Variants in VAV3 observed in about 807,000 individuals in gnomAD.
VAV3 encodes the protein guanine nucleotide exchange factor VAV3.
A neutral mutation model predicts 131.2 loss-of-function variants in VAV3; 94 were observed. The observed-to-expected ratio is 0.72, with a 90% CI of 0.61 to 0.85. The LOEUF is 0.85. Ranked by LOEUF, VAV3 falls within the 40% of genes least tolerant of loss-of-function variation. The pLI is 0.00. For synonymous variants in VAV3, 349 were observed against 342.0 expected, an observed-to-expected ratio of 1.02 and a Z score of -0.22; for missense variants, 939 against 1,002.7, an observed-to-expected ratio of 0.94 and a Z score of 0.86.
chr1:107,856,388 C>CAA, intron 2 of VAV3, among the ~76,000 whole-genome samples: 1 of 152,192 alleles, frequency 6.6e-6, no homozygotes, highest in South Asian at 2.1e-4. Context: ...TTTTACATAG[C>CAA]AATTTTCTGA....
Position 107,704,946 on chromosome 1 carries a change from C to A in VAV3, c.1604+14G>T. On this transcript the variant is annotated intron_variant, in intron 16 of 26. Transcript: ENST00000370056. ...AGTTCCTTTAAACTGAAAACCAGGACTGAGCAGGCTTACCTCAGGAGCATC... is the reference window on the plus strand; with the variant it reads ...AGTTCCTTTAAACTGAAAACCAGGAATGAGCAGGCTTACCTCAGGAGCATC... 2 of 1,609,426 alleles carry A rather than the reference C, an allele frequency of 1.2e-6. No individual in the cohort carries two copies. Among genetic ancestry groups the A allele is most frequent in the Non-Finnish European group, 1.7e-6 (2 of 1,176,126 alleles).
chr1:107,583,054 C>G (rs1570556998), intron 25 of VAV3, among the ~76,000 whole-genome samples: 1 of 152,202 alleles, frequency 6.6e-6, no homozygotes, highest in East Asian at 1.9e-4. Flanking sequence ...TCCTATTTCT[C>G]CACATCCTCT....
At chr1:107,798,950 T>A (rs2102295840) in intron 2 of VAV3, among the ~76,000 whole-genome samples, 1 of 152,214 alleles carries the variant, frequency 6.6e-6, no homozygotes, top group South Asian at 2.1e-4. Context: ...ATTTTCAAAT[T>A]TTTTTCTTTA....
rs1309760439 is a variant in VAV3, at chr1:107,603,021, T to C, written c.2132+26A>G. 3 of 1,564,212 alleles carry C rather than the reference T, an allele frequency of 1.9e-6. No individual in the cohort carries two copies. In the South Asian group the frequency reaches 3.4e-5, roughly 18 times the overall value. On this transcript the variant is annotated intron_variant, in intron 23 of 26. Coordinates refer to ENST00000370056, the MANE Select transcript of VAV3 (RefSeq NM_006113.5). ...CAATTATGAAAACAGGAAATCTATT[T>C]CTGTAAAAGTACTTGTCCTACTTAC...
intron 15 of VAV3, among the ~76,000 whole-genome samples, chr1:107,720,004 A>T (rs1316115430): frequency 1.3e-5 from 2 of 152,160 alleles, no homozygotes; most frequent in African/African-American, 4.8e-5. Flanking sequence ...GTAGGAATGG[A>T]ACAATGAGAA....
chr1:107,657,778 G>C (rs1243785000), intron 19 of VAV3, among the ~76,000 whole-genome samples: 1 of 152,110 alleles, frequency 6.6e-6, no homozygotes, highest in Non-Finnish European at 1.5e-5. Flanking sequence ...ACATAAAACA[G>C]AACTGGATAT....
chr1:107,642,980 C>T (rs1477166252), intron 19 of VAV3, among the ~76,000 whole-genome samples: 2 of 152,078 alleles, frequency 1.3e-5, no homozygotes, highest in Non-Finnish European at 2.9e-5. Flanking sequence ...CATAGTTTTC[C>T]TCTCCCTTAC....
intron 2 of VAV3, among the ~76,000 whole-genome samples, chr1:107,849,050 C>G (rs1467398353): frequency 6.6e-6 from 1 of 152,068 alleles, no homozygotes; most frequent in East Asian, 1.9e-4. Context: ...GAACTACAAA[C>G]CTCTGCTCAA....
chr1:107,806,474 C>T (rs1458360148), intron 2 of VAV3, among the ~76,000 whole-genome samples: 1 of 152,050 alleles, frequency 6.6e-6, no homozygotes, highest in African/African-American at 2.4e-5. Context: ...GCCATTGAAG[C>T]CAGCTTGCTT....
intron 1 of VAV3, among the ~76,000 whole-genome samples, chr1:107,920,215 G>T (rs1327485419): frequency 6.6e-6 from 1 of 152,158 alleles, no homozygotes; most frequent in Non-Finnish European, 1.5e-5. Context: ...TATAGCATGT[G>T]ATAAAACGGG....
chr1:107,825,369 G>C (rs1667968078), intron 2 of VAV3, among the ~76,000 whole-genome samples: 1 of 150,498 alleles, frequency 6.6e-6, no homozygotes, highest in African/African-American at 2.4e-5. Flanking sequence ...CAGAAACAAA[G>C]AGAAAAAAGA....
At position 107,680,500 on chromosome 1, in the gene VAV3, T is replaced by C. The variant is rs542637266; in HGVS notation, c.1777+2988A>G. On this transcript the variant is annotated intron_variant, in intron 19 of 26. Coordinates refer to ENST00000370056, the MANE Select transcript of VAV3 (RefSeq NM_006113.5). ...GCTATACTTAGCATTTACTATATAC[T>C]GGGCACCTTTGAGAGTACTTTACTT... Among the ~76,000 whole-genome samples the C allele has an allele frequency of 2.0e-5, 3 of 152,258 alleles. No individual in the cohort carries two copies. In the South Asian group the frequency reaches 6.2e-4, roughly 32 times the overall value.
intron 4 of VAV3, 113 bp from the exon 5 acceptor site, chr1:107,772,956 A>C (rs1665138347): frequency 1.2e-6 from 1 of 862,182 alleles, no homozygotes; most frequent in Non-Finnish European, 1.8e-6. Context: ...AAATGGAATT[A>C]GTGGAAAGAG....
At position 107,937,012 on chromosome 1, in the gene VAV3, T is replaced by C. The variant is rs540843570; in HGVS notation, c.204+27654A>G. On this transcript the variant is annotated intron_variant, in intron 1 of 26. Coordinates refer to ENST00000370056, the MANE Select transcript of VAV3 (RefSeq NM_006113.5). ...GAAATGGGAGGGCCAATGTGACTACTGAGATTGCCACACCTTACACACAGT... is the reference window on the plus strand; with the variant it reads ...GAAATGGGAGGGCCAATGTGACTACCGAGATTGCCACACCTTACACACAGT... 1.4e-4 allele frequency among the ~76,000 whole-genome samples: 22 copies of C among 152,262 alleles called. No individual in the cohort carries two copies. The South Asian group carries it at 4.6e-3, about 32-fold the overall frequency.
chr1:107,960,595 C>T lies in VAV3; in HGVS notation c.204+4071G>A, dbSNP rs78199812. 3.5e-3 allele frequency among the ~76,000 whole-genome samples: 540 copies of T among 152,128 alleles called. 6 individuals carry two copies. The highest frequency in any genetic ancestry group is 0.012 in the African/African-American group (514 of 41,456). On this transcript the variant is annotated intron_variant, in intron 1 of 26. Transcript: ENST00000370056. ...AAAGTGGCCCACAAGTCCTAAAAAT[C>T]GAGCTTCCATTTTCTCTCTGACTTC...
chr1:107,787,704 T>C (rs577827770), intron 2 of VAV3, among the ~76,000 whole-genome samples: 1 of 152,336 alleles, frequency 6.6e-6, no homozygotes, highest in Admixed American at 6.5e-5. Flanking sequence ...CTTTTTGTGG[T>C]TGCCATTTTC....
intron 19 of VAV3, among the ~76,000 whole-genome samples, chr1:107,660,260 G>A (rs527322200): frequency 1.2e-4 from 19 of 152,130 alleles, no homozygotes; most frequent in Non-Finnish European, 2.1e-4. Flanking sequence ...TCGAGTACCA[G>A]TGGCAACAGT....
Position 107,943,972 on chromosome 1 carries a change from C to T in VAV3, c.204+20694G>A, listed in dbSNP as rs141344204. On this transcript the variant is annotated intron_variant, in intron 1 of 26. Transcript: ENST00000370056. ...GCTCCACTTGCCAGGACCAGTGCAT[C>T]CTGCACTTGCTAAGGCCTAAACACC... is the stretch of plus-strand genomic sequence containing the variant. 4.2e-3 allele frequency among the ~76,000 whole-genome samples: 636 copies of T among 152,350 alleles called. 2 individuals are homozygous for T. Among genetic ancestry groups the T allele is most frequent in the Middle Eastern group, 0.017 (5 of 294 alleles).
intron 12 of VAV3, 91 bp from the exon 13 acceptor site, chr1:107,751,293 C>T (rs1390083600): frequency 2.0e-6 from 2 of 989,954 alleles, no homozygotes; most frequent in Admixed American, 2.4e-5. Context: ...AGACAACTAC[C>T]TTATTACATT....
Sources: gnomAD v4.1 joint callset for allele counts (sites outside exome capture counted in the v4.1 genomes callset) on GRCh38, gnomAD v4.1.1 for gene constraint, MANE v1.5 for transcripts, NCBI Gene and HGNC (gene_info 2026-07-23, HGNC 2026-07-21) for gene names.